The following BCAS3 variants were observed in gnomAD, a reference collection of about 807,000 sequenced individuals.
BCAS3 encodes BCAS3 microtubule associated cell migration factor.
Under a neutral mutation model 116.1 loss-of-function variants are expected in BCAS3, and 53 were observed. That is an observed-to-expected ratio of 0.46 (90% CI 0.37 to 0.57). The LOEUF is 0.57. Ranked by LOEUF, BCAS3 falls within the 20% of genes least tolerant of loss-of-function variation. The probability of loss-of-function intolerance (pLI) is 0.00; values close to 1 mark genes in which losing one functional copy is unlikely to be tolerated. For missense variants in BCAS3, 917 were observed against 1,165.4 expected (o/e 0.79, Z 3.10); for synonymous variants, 391 against 408.2 (o/e 0.96, Z 0.51).
rs565917990 is a variant in BCAS3 at position 61,367,017 on chromosome 17, C to T, written c.2426-1310C>T. On this transcript the variant is annotated intron_variant, in intron 22 of 23. Coordinates refer to ENST00000407086, the MANE Select transcript of BCAS3 (RefSeq NM_017679.5). This position sits in a 1 kb window ranked among gnomAD's most constrained non-coding sequence, Gnocchi z 6.2. Reference sequence around the variant, plus strand: ...CTGTGGCCATTATCAGAGGCAGGACCGCCTGCCGAGGCTGGGGCTCGCACC... The same window carrying T: ...CTGTGGCCATTATCAGAGGCAGGACTGCCTGCCGAGGCTGGGGCTCGCACC... Among the ~76,000 whole-genome samples, 8 of 152,294 alleles carry T rather than the reference C, an allele frequency of 5.3e-5. No individual in the cohort carries two copies. The highest frequency in any genetic ancestry group is 2.1e-4 in the South Asian group (1 of 4,828).
In BCAS3 at chr17:61,134,774, A is replaced by G. The variant is rs1321785731; in HGVS notation, c.2425+50210A>G. On this transcript the variant is annotated intron_variant, in intron 22 of 23. Transcript: ENST00000407086. This position sits in a 1 kb window ranked among gnomAD's most constrained non-coding sequence, Gnocchi z 4.6. The stretch of plus-strand genomic sequence containing the variant: ...TTTTTGTTCCTAAGAAAAGTTAAGT[A>G]ACATCTCCAAATCACAGAACTAGAA... Among the ~76,000 whole-genome samples the G allele has an allele frequency of 6.6e-6, 1 of 152,214 alleles. No individual in the cohort carries two copies. The highest frequency in any genetic ancestry group is 1.5e-5 in the Non-Finnish European group (1 of 68,032).
At chr17:60,948,351 C>G (rs913396281) in intron 14 of BCAS3, among the ~76,000 whole-genome samples, 1 of 152,142 alleles carries the variant, frequency 6.6e-6, no homozygotes, top group East Asian at 1.9e-4. Flanking sequence ...GTCTCAAACT[C>G]CTGGCCTCGT....
chr17:60,693,499 C>T (rs1429250362), intron 4 of BCAS3, among the ~76,000 whole-genome samples: 7 of 151,492 alleles, frequency 4.6e-5, no homozygotes, highest in South Asian at 2.1e-4. Context: ...ACTGCAGCCC[C>T]GACCTTCTGG....
chr17:61,274,586 C>A lies in BCAS3; in HGVS notation c.2426-93741C>A, dbSNP rs987633336. 3.3e-5 allele frequency among the ~76,000 whole-genome samples: 5 copies of A among 152,016 alleles called. No homozygotes were observed. In the East Asian group the frequency reaches 9.7e-4, roughly 29 times the overall value. ...TTACAGGTGTGAGCCACTGTGCCGG[C>A]CTGAACATGTTTTTAATAGCTGTTT... On this transcript the variant is annotated intron_variant, in intron 22 of 23. Transcript: ENST00000407086.
rs1236911332 is a variant in BCAS3, at chr17:61,213,516, T to C, written c.2425+128952T>C. Among the ~76,000 whole-genome samples the C allele has an allele frequency of 1.3e-5, 2 of 149,926 alleles. No individual in the cohort carries two copies. Among genetic ancestry groups the C allele is most frequent in the African/African-American group, 5.1e-5 (2 of 39,362 alleles). On this transcript the variant is annotated intron_variant, in intron 22 of 23. Transcript: ENST00000407086. The surrounding 1 kb of genome is among the most constrained non-coding windows in gnomAD (Gnocchi z 5.4). ...AAAGTAAGGCATGAAAAGAGTCTTA[T>C]TATTTGTTTAGTTGACAGGAAATTT...
intron 23 of BCAS3, among the ~76,000 whole-genome samples, chr17:61,384,148 G>A (rs551817707): frequency 6.6e-6 from 1 of 152,306 alleles, no homozygotes; most frequent in African/African-American, 2.4e-5. Flanking sequence ...GCACCTGGCC[G>A]GGCATTCTCC....
chr17:61,328,638 G>A (rs978189242), intron 22 of BCAS3, among the ~76,000 whole-genome samples: 17 of 152,066 alleles, frequency 1.1e-4, no homozygotes, highest in African/African-American at 3.4e-4. Context: ...GGTGGTGTGC[G>A]CCTGTAGTCC....
In BCAS3 at chr17:61,286,678, A is replaced by G. The variant is rs1285712309; in HGVS notation, c.2426-81649A>G. On this transcript the variant is annotated intron_variant, in intron 22 of 23. Coordinates refer to ENST00000407086, the MANE Select transcript of BCAS3 (RefSeq NM_017679.5). This position sits in a 1 kb window ranked among gnomAD's most constrained non-coding sequence, Gnocchi z 4.8. ...TTACACCGTTGTGAAGGCAGCTCCC[A>G]GGGCAGCCAGAGGAGCATGTCACCT... Among the ~76,000 whole-genome samples, 1 of 152,196 alleles carries G rather than the reference A, an allele frequency of 6.6e-6. No homozygotes were observed. Among genetic ancestry groups the G allele is most frequent in the Non-Finnish European group, 1.5e-5 (1 of 68,030 alleles).
chr17:61,110,038 C>T (rs6504018), intron 22 of BCAS3, among the ~76,000 whole-genome samples: 146,016 of 152,290 alleles, frequency 0.96, 70,332 homozygotes, highest in East Asian at 1. Context: ...AGAAGGGTTT[C>T]TTCTGATGTT....
At chr17:60,935,921 TATGTATAC>T in intron 13 of BCAS3, among the ~76,000 whole-genome samples, 1 of 152,090 alleles carries the variant, frequency 6.6e-6, no homozygotes, top group African/African-American at 2.4e-5. Context: ...GTTATTTACA[TATGTATAC>T]ATGTGCCATG....
chr17:60,978,531 C>T (rs1396139677), intron 14 of BCAS3, among the ~76,000 whole-genome samples: 1 of 150,042 alleles, frequency 6.7e-6, no homozygotes, highest in Non-Finnish European at 1.5e-5. Context: ...TCAATTTTGT[C>T]TTTTGTTGCC....
intron 7 of BCAS3, among the ~76,000 whole-genome samples, chr17:60,847,107 C>A (rs933451009): frequency 1.3e-5 from 2 of 152,154 alleles, no homozygotes; most frequent in Non-Finnish European, 2.9e-5. Flanking sequence ...TCTCACTTAG[C>A]ATAATGTTTG....
At position 61,023,380 on chromosome 17, in the gene BCAS3, G is replaced by T. The variant is rs2066005923; in HGVS notation, c.1637+7479G>T. Among the ~76,000 whole-genome samples the T allele has an allele frequency of 6.6e-6, 1 of 152,082 alleles. No individual in the cohort carries two copies. On this transcript the variant is annotated intron_variant, in intron 16 of 23. Transcript: ENST00000407086. The surrounding 1 kb of genome is among the most constrained non-coding windows in gnomAD (Gnocchi z 4.8). ...TGTGGCAGTGCCTGAATTGTCTTAG[G>T]ACATGATTAATTGAAAAATAAGGTT...
At chr17:60,836,971 G>A (rs1165787175) in intron 7 of BCAS3, among the ~76,000 whole-genome samples, 2 of 152,136 alleles carry the variant, frequency 1.3e-5, no homozygotes, top group African/African-American at 4.8e-5. Flanking sequence ...GTTTGGTGAA[G>A]GCAGATCCTG....
intron 19 of BCAS3, among the ~76,000 whole-genome samples, chr17:61,053,254 G>C (rs1862023437): frequency 6.6e-6 from 1 of 152,110 alleles, no homozygotes; most frequent in Non-Finnish European, 1.5e-5. Context: ...ATTTTGTACT[G>C]CTGGCATACA....
At chr17:60,815,643 A>G (rs1598907058) in intron 7 of BCAS3, among the ~76,000 whole-genome samples, 1 of 152,218 alleles carries the variant, frequency 6.6e-6, no homozygotes, top group African/African-American at 2.4e-5. Context: ...TATAGGCATA[A>G]ATATAGGTGA....
At chr17:60,958,835 A>G (rs2061273245) in intron 14 of BCAS3, among the ~76,000 whole-genome samples, 2 of 152,236 alleles carry the variant, frequency 1.3e-5, no homozygotes, top group African/African-American at 4.8e-5. Context: ...CCATTCCCAC[A>G]CATGTGGAGA....
intron 22 of BCAS3, among the ~76,000 whole-genome samples, chr17:61,322,739 A>G (rs1400676968): frequency 6.6e-6 from 1 of 151,932 alleles, no homozygotes; most frequent in Non-Finnish European, 1.5e-5. Flanking sequence ...GAAGTAAGCC[A>G]AAAGTATAGT....
chr17:60,788,869 A>G (rs1402944555), intron 6 of BCAS3, among the ~76,000 whole-genome samples: 2 of 152,202 alleles, frequency 1.3e-5, no homozygotes, highest in African/African-American at 4.8e-5. Context: ...AAATTTACAT[A>G]TAAAATGTAT....
Sources: gnomAD v4.1 joint callset for allele counts (sites outside exome capture counted in the v4.1 genomes callset) on GRCh38, gnomAD v4.1.1 for gene constraint, Gnocchi (gnomAD v3.1) non-coding constraint, MANE v1.5 for transcripts, NCBI Gene and HGNC (gene_info 2026-07-23, HGNC 2026-07-21) for gene names.